Variants in FBXO34 observed in about 807,000 individuals in gnomAD.
FBXO34 encodes F-box only protein 34.
In FBXO34, 12 loss-of-function variants were observed where a neutral mutation model predicts 24.5. The observed-to-expected ratio is 0.49, with a 90% CI of 0.31 to 0.79. FBXO34 has a LOEUF of 0.79. Among genes scored for constraint, FBXO34 ranks in the 30% least tolerant of loss-of-function variants. The pLI is 0.04. For synonymous variants in FBXO34, 320 were observed against 311.9 expected (o/e 1.03, Z -0.27); for missense variants, 823 against 857.7 (o/e 0.96, Z 0.51).
chr14:55,349,233 G>A (rs898621912), intron 1 of FBXO34, among the ~76,000 whole-genome samples: 2 of 151,938 alleles, frequency 1.3e-5, no homozygotes, highest in East Asian at 3.9e-4. Context: ...GAGAGAGGAA[G>A]TGACTTGCCC....
At chr14:55,442,961 C>A in the FBXO34 span, among the ~76,000 whole-genome samples, 7 of 152,296 alleles carry the variant, frequency 4.6e-5, no homozygotes, top group East Asian at 1.2e-3. Flanking sequence ...AAGAGAGCGG[C>A]CTCAAGAGAA....
intron 3 of FBXO34, among the ~76,000 whole-genome samples, chr14:55,360,870 C>T (rs1884584819): frequency 6.6e-6 from 1 of 152,024 alleles, no homozygotes; most frequent in African/African-American, 2.4e-5. Flanking sequence ...TGGTGGTGAA[C>T]ACCTGTAATC....
At chr14:55,436,815 T>G in the FBXO34 span, 1 of 1,614,230 alleles carries the variant, frequency 6.2e-7, no homozygotes, top group Admixed American at 1.7e-5. Flanking sequence ...CAGTTTCGTG[T>G]TTGCTAATGA....
the FBXO34 span, among the ~76,000 whole-genome samples, chr14:55,393,090 T>C: frequency 6.6e-6 from 1 of 152,116 alleles, no homozygotes; most frequent in South Asian, 2.1e-4. Context: ...TTAAGTATAA[T>C]GAAATATATG....
the FBXO34 span, chr14:55,382,277 G>A: frequency 2.7e-5 from 32 of 1,195,218 alleles, no homozygotes; most frequent in South Asian, 1.7e-4. Context: ...CTAGAACATC[G>A]AAAAGCTGCC....
downstream of FBXO34, among the ~76,000 whole-genome samples, chr14:55,356,950 G>A (rs910281183): frequency 1.2e-4 from 19 of 152,050 alleles, no homozygotes; most frequent in African/African-American, 2.2e-4. Context: ...GTTTTGCCAC[G>A]TTGCCCAGGC....
downstream of FBXO34, chr14:55,355,234 A>G (rs1884502794): frequency 6.6e-6 from 1 of 152,310 alleles, no homozygotes; most frequent in African/African-American, 2.4e-5. Context: ...TAAGAGTAAC[A>G]TTTGCTTTTT....
chr14:55,317,111 C>T (rs1481339931), intron 1 of FBXO34, among the ~76,000 whole-genome samples: 1 of 151,994 alleles, frequency 6.6e-6, no homozygotes, highest in Non-Finnish European at 1.5e-5. Flanking sequence ...TTCCAGTTTC[C>T]CCTCCCTGGA....
chr14:55,312,207 A>C (rs1882766967), intron 1 of FBXO34, among the ~76,000 whole-genome samples: 1 of 148,978 alleles, frequency 6.7e-6, no homozygotes, highest in African/African-American at 2.4e-5. Context: ...GTCTCAAAAC[A>C]AACAAACAAA....
chr14:55,413,717 C>CT, the FBXO34 span: 1 of 292,068 alleles, frequency 3.4e-6, no homozygotes, highest in East Asian at 8.9e-5. Context: ...TTTCAGGAAA[C>CT]TTACTTGGCT....
the FBXO34 span, among the ~76,000 whole-genome samples, chr14:55,385,507 G>A: frequency 6.6e-6 from 1 of 152,174 alleles, no homozygotes; most frequent in Non-Finnish European, 1.5e-5. Context: ...TGGCCAGGTT[G>A]GTCTCAAACT....
At chr14:55,320,598 A>G (rs1374290358) in intron 1 of FBXO34, among the ~76,000 whole-genome samples, 1 of 152,124 alleles carries the variant, frequency 6.6e-6, no homozygotes, top group African/African-American at 2.4e-5. Flanking sequence ...AAAAATACAC[A>G]CACACAAAAA....
intron 1 of FBXO34, among the ~76,000 whole-genome samples, chr14:55,323,527 C>G (rs1883239683): frequency 6.6e-6 from 1 of 151,686 alleles, no homozygotes. Flanking sequence ...GGATTACAGG[C>G]ACGTGCCACC....
At chr14:55,438,612 TAC>T in the FBXO34 span, among the ~76,000 whole-genome samples, 8 of 152,168 alleles carry the variant, frequency 5.3e-5, no homozygotes, top group Non-Finnish European at 1.2e-4. Context: ...AAGCTACACG[TAC>T]ACAAGAATGT....
At chr14:55,354,757 C>T (rs1054827285), downstream of FBXO34, among the ~76,000 whole-genome samples, 4 of 152,142 alleles carry the variant, frequency 2.6e-5, no homozygotes, top group Non-Finnish European at 5.9e-5. Context: ...CATTTCTAGG[C>T]AAGTGTAGCT....
intron 1 of FBXO34, among the ~76,000 whole-genome samples, chr14:55,283,942 C>CTGTGTGTGTGTG (rs376134482): frequency 7.6e-6 from 1 of 130,886 alleles, no homozygotes; most frequent in Non-Finnish European, 1.6e-5. Flanking sequence ...CATTCTAAGA[C>CTGTGTGTGTGTG]TATGTGTGTG....
the FBXO34 span, chr14:55,386,225 T>C: frequency 1.1e-5 from 8 of 747,644 alleles, no homozygotes; most frequent in Non-Finnish European, 1.7e-5. Flanking sequence ...AATAATATAA[T>C]GTTCACTAAG....
the FBXO34 span, among the ~76,000 whole-genome samples, chr14:55,427,026 C>G: frequency 1.3e-5 from 2 of 152,188 alleles, no homozygotes; most frequent in East Asian, 3.8e-4. Context: ...GGGCAGAGCT[C>G]TTGCAGATGT....
At chr14:55,355,963 G>A (rs1360895319), downstream of FBXO34, among the ~76,000 whole-genome samples, 2 of 152,204 alleles carry the variant, frequency 1.3e-5, no homozygotes, top group Non-Finnish European at 2.9e-5. Context: ...ATCCTTGGTG[G>A]AAACTCCCAC....
Sources: gnomAD v4.1 joint callset for allele counts (sites outside exome capture counted in the v4.1 genomes callset) on GRCh38, gnomAD v4.1.1 for gene constraint, MANE v1.5 for transcripts, NCBI Gene and HGNC (gene_info 2026-07-23, HGNC 2026-07-21) for gene names.